ZSWIM6: variants seen among roughly 807,000 people sequenced by gnomAD.
ZSWIM6 encodes zinc finger SWIM domain-containing protein 6.
ZSWIM6 carries 9 observed loss-of-function variants against 113.2 expected under a neutral mutation model. The ratio of observed to expected loss-of-function variants is 0.08; its 90% CI spans 0.05 to 0.14. ZSWIM6 has a LOEUF of 0.14. ZSWIM6 is among the 10% of genes least tolerant of loss of function. ZSWIM6 has a pLI of 1.00. For missense variants in ZSWIM6, 1,162 were observed against 1,552.2 expected (o/e 0.75, Z 4.22); for synonymous variants, 611 against 606.5 (o/e 1.01, Z -0.11).
At chr5:61,499,455 G>A (rs1561265179) in intron 4 of ZSWIM6, among the ~76,000 whole-genome samples, 1 of 152,164 alleles carries the variant, frequency 6.6e-6, no homozygotes, top group Non-Finnish European at 1.5e-5. Flanking sequence ...CAGTAGCAAG[G>A]AGGGGGTAGA....
intron 1 of ZSWIM6, among the ~76,000 whole-genome samples, chr5:61,386,749 T>TA (rs1302355787): frequency 1.3e-5 from 2 of 152,222 alleles, no homozygotes; most frequent in African/African-American, 2.4e-5. Flanking sequence ...AACATGTGTG[T>TA]ACTTAAGAAA....
intron 4 of ZSWIM6, among the ~76,000 whole-genome samples, chr5:61,498,286 C>T (rs1482783361): frequency 1.3e-5 from 2 of 152,150 alleles, no homozygotes; most frequent in Non-Finnish European, 2.9e-5. Context: ...AGCTGAGTCA[C>T]GCGCTTTGCT....
At chr5:61,339,408 G>T (rs1187097460) in intron 1 of ZSWIM6, among the ~76,000 whole-genome samples, 1 of 151,848 alleles carries the variant, frequency 6.6e-6, no homozygotes, top group African/African-American at 2.4e-5. Flanking sequence ...GCGAGAACCT[G>T]TCTCAAAAAA....
At chr5:61,436,025 A>G (rs1041100976) in intron 1 of ZSWIM6, among the ~76,000 whole-genome samples, 2 of 152,106 alleles carry the variant, frequency 1.3e-5, no homozygotes, top group African/African-American at 4.8e-5. Context: ...AACATGGAGA[A>G]ACCCCGTCTC....
In ZSWIM6 at chr5:61,525,919, T is replaced by G; in HGVS notation, c.1633T>G (p.Tyr545Asp). The G allele has an allele frequency of 6.4e-7, 1 of 1,552,194 alleles. No individual in the cohort carries two copies. The highest frequency in any genetic ancestry group is 8.7e-7 in the Non-Finnish European group (1 of 1,147,074). ...CAGTGACCTATACACCAACTACTGT[T>G]ACCATGACGACACTGAAAACTCCCT... is the stretch of plus-strand genomic sequence containing the variant. ...ISSDLYTNYC[Y>D]HDDTENSLFD... The change falls in exon 6 of 14, where the codon TAC (tyrosine) becomes GAC (aspartate). Residue 545 changes from tyrosine (Y) to aspartate (D), a missense_variant. Transcript: ENST00000252744.
intron 1 of ZSWIM6, among the ~76,000 whole-genome samples, chr5:61,419,284 G>A (rs1579986957): frequency 1.3e-5 from 2 of 152,314 alleles, no homozygotes; most frequent in East Asian, 3.9e-4. Flanking sequence ...TCACCAGAGA[G>A]GTTTAGAAAG....
chr5:61,392,313 T>G (rs1296992942), intron 1 of ZSWIM6, among the ~76,000 whole-genome samples: 3 of 152,214 alleles, frequency 2.0e-5, no homozygotes, highest in Non-Finnish European at 4.4e-5. Context: ...CTCCTGTATC[T>G]TTTATCCTGT....
intron 1 of ZSWIM6, among the ~76,000 whole-genome samples, chr5:61,416,185 A>C (rs1461833028): frequency 4.6e-5 from 7 of 152,170 alleles, no homozygotes; most frequent in African/African-American, 1.7e-4. Flanking sequence ...AGGAATAGAG[A>C]GGAAGGAGGC....
chr5:61,394,937 G>T, intron 1 of ZSWIM6, among the ~76,000 whole-genome samples: 1 of 152,118 alleles, frequency 6.6e-6, no homozygotes, highest in Non-Finnish European at 1.5e-5. Context: ...GCCGTGTTGA[G>T]GAGTTGAACT....
At position 61,531,571 on chromosome 5, in the gene ZSWIM6, A is replaced by G; in HGVS notation, c.2091A>G (p.Ile697Met). 1 of 1,551,712 alleles carries G rather than the reference A, an allele frequency of 6.4e-7. No homozygotes were observed. The highest frequency in any genetic ancestry group is 8.7e-7 in the Non-Finnish European group (1 of 1,146,976). The change falls in exon 9 of 14, where the codon ATA (isoleucine) becomes ATG (methionine). Residue 697 changes from isoleucine (I) to methionine (M), a missense_variant. Transcript: ENST00000252744. ...YLTLAVEVAL[I>M]GLGQQRIMPD... ...CGCTGGCTGTGGAAGTAGCCCTGAT[A>G]GGGCTAGGACAGCAGCGTATCATGC...
At chr5:61,453,056 T>G (rs560638975) in intron 1 of ZSWIM6, among the ~76,000 whole-genome samples, 1 of 152,338 alleles carries the variant, frequency 6.6e-6, no homozygotes, top group East Asian at 1.9e-4. Context: ...TTGCATTGTA[T>G]CAGGGAAGTA....
chr5:61,473,026 A>G lies in ZSWIM6; in HGVS notation c.1022A>G (p.Asn341Ser), dbSNP rs1046915074. Residue 341 changes from asparagine (N) to serine (S), a missense_variant, in exon 2 of 14, where the codon AAC (asparagine) becomes AGC (serine). Asn to Ser is a conservative substitution (Grantham distance 46). Around this residue, in one of 4 missense-constraint regions of ZSWIM6, gnomAD observed 96 missense variants for 240.3 expected, o/e 0.40. Transcript: ENST00000252744. ...DEILSQNSEINQVHGAPDPTA... is the reference protein window; with the variant it reads ...DEILSQNSEISQVHGAPDPTA... The stretch of plus-strand genomic sequence containing the variant: ...ATTCTTTCCCAAAATTCAGAAATCA[A>G]CCAAGTTCATGGTGAGTATAGACAT... 2.6e-6 allele frequency: 4 copies of G among 1,527,464 alleles called. No homozygotes were observed. The highest frequency in any genetic ancestry group is 1.4e-5 in the African/African-American group (1 of 72,546). The allele number at this position is 1,527,464 out of a possible 1,614,324, so 94.6% of individuals were successfully genotyped here.
intron 1 of ZSWIM6, among the ~76,000 whole-genome samples, chr5:61,466,109 C>CATG (rs1438405444): frequency 6.6e-6 from 1 of 152,104 alleles, no homozygotes; most frequent in Non-Finnish European, 1.5e-5. Context: ...GGAAATTGTA[C>CATG]ATGATTTACA....
intron 2 of ZSWIM6, among the ~76,000 whole-genome samples, chr5:61,478,121 T>C (rs1228635324): frequency 6.6e-6 from 1 of 152,192 alleles, no homozygotes; most frequent in Non-Finnish European, 1.5e-5. Context: ...TATTGTATAA[T>C]AGAACATTCT....
rs749418255 is a variant in ZSWIM6 at position 61,472,653 on chromosome 5, C to A, written c.677-28C>A. Reference sequence around the variant, plus strand: ...ATAGCATCTGAATGCAGAAGCTAAACCCTCCCTTTCTTTCTTTCACCCTCA... The same window carrying A: ...ATAGCATCTGAATGCAGAAGCTAAAACCTCCCTTTCTTTCTTTCACCCTCA... On this transcript the variant is annotated intron_variant, in intron 1 of 13. Transcript: ENST00000252744. This position sits in a 1 kb window ranked among gnomAD's most constrained non-coding sequence, Gnocchi z 4.1. The A allele has an allele frequency of 1.7e-4, 254 of 1,452,446 alleles. No individual in the cohort carries two copies. Among genetic ancestry groups the A allele is most frequent in the Non-Finnish European group, 2.2e-4 (236 of 1,088,366 alleles). 90.0% of individuals were successfully genotyped at this position (1,452,446 alleles called of 1,614,324 possible).
At chr5:61,334,074 C>G (rs915706314) in intron 1 of ZSWIM6, among the ~76,000 whole-genome samples, 1 of 152,214 alleles carries the variant, frequency 6.6e-6, no homozygotes, top group Non-Finnish European at 1.5e-5. Context: ...AAAAGAGTCT[C>G]TTTCTTTTCA....
intron 1 of ZSWIM6, among the ~76,000 whole-genome samples, chr5:61,378,006 A>G (rs1029659510): frequency 6.6e-6 from 1 of 152,244 alleles, no homozygotes; most frequent in African/African-American, 2.4e-5. Context: ...ATAAAAATTT[A>G]GCAAATTGTT....
chr5:61,512,469 T>A (rs948344865), intron 4 of ZSWIM6, among the ~76,000 whole-genome samples: 6 of 152,086 alleles, frequency 3.9e-5, no homozygotes, highest in African/African-American at 1.4e-4. Context: ...GTATTTCTCT[T>A]GGGCAAATCC....
intron 1 of ZSWIM6, among the ~76,000 whole-genome samples, chr5:61,425,172 C>T (rs1746440530): frequency 6.6e-6 from 1 of 152,142 alleles, no homozygotes; most frequent in Non-Finnish European, 1.5e-5. Context: ...TCATTGCTTT[C>T]TGTACCCCTA....
Sources: gnomAD v4.1 joint callset for allele counts (sites outside exome capture counted in the v4.1 genomes callset) on GRCh38, gnomAD v4.1.1 for gene constraint, gnomAD v4.1.1 regional missense constraint, Gnocchi (gnomAD v3.1) non-coding constraint, MANE v1.5 for transcripts, NCBI Gene and HGNC (gene_info 2026-07-23, HGNC 2026-07-21) for gene names.